SCFD2: variants seen among roughly 807,000 people sequenced by gnomAD.
SCFD2 encodes the protein sec1 family domain containing 2, also known as sec1 family domain-containing protein 2.
In SCFD2, 54 loss-of-function variants were observed where a neutral mutation model predicts 58.9. The ratio of observed to expected loss-of-function variants is 0.92; its 90% CI spans 0.74 to 1.15. SCFD2 has a LOEUF of 1.15. Among genes scored for constraint, SCFD2 ranks in the 50% most tolerant of loss-of-function variants. SCFD2 has a pLI of 0.00. For synonymous variants in SCFD2, 321 were observed against 335.9 expected, an observed-to-expected ratio of 0.96 and a Z score of 0.49; for missense variants, 805 against 836.6, an observed-to-expected ratio of 0.96 and a Z score of 0.47.
intron 3 of SCFD2, among the ~76,000 whole-genome samples, chr4:53,274,579 T>C (rs1161533274): frequency 4.0e-5 from 6 of 151,770 alleles, no homozygotes; most frequent in African/African-American, 1.2e-4. Flanking sequence ...GAAGAAAGGG[T>C]TGGTGTGGGG....
At chr4:53,058,429 G>C (rs1160415620) in intron 5 of SCFD2, among the ~76,000 whole-genome samples, 1 of 151,774 alleles carries the variant, frequency 6.6e-6, no homozygotes. Flanking sequence ...ATAATGTCTC[G>C]GGGAAAGTAG....
intron 4 of SCFD2, among the ~76,000 whole-genome samples, chr4:53,200,400 GC>G (rs541672369): frequency 2.5e-3 from 377 of 152,116 alleles, no homozygotes; most frequent in African/African-American, 8.7e-3. Context: ...AATATAAGTA[GC>G]ACTATGAAAG....
At chr4:53,287,814 G>C (rs1424275603) in intron 3 of SCFD2, among the ~76,000 whole-genome samples, 1 of 152,056 alleles carries the variant, frequency 6.6e-6, no homozygotes, top group Admixed American at 6.6e-5. Context: ...CAAGATAAAA[G>C]AGAATATAAA....
intron 6 of SCFD2, 122 bp from the exon 7 acceptor site, chr4:52,907,713 T>C: frequency 1.8e-6 from 1 of 567,104 alleles, no homozygotes; most frequent in Non-Finnish European, 3.0e-6. Context: ...CCTATATGTG[T>C]GTGTGTGTGT....
At chr4:53,227,545 T>C (rs1229194026) in intron 4 of SCFD2, among the ~76,000 whole-genome samples, 3 of 152,206 alleles carry the variant, frequency 2.0e-5, no homozygotes, top group Non-Finnish European at 4.4e-5. Flanking sequence ...ACAAAGTCTT[T>C]GCATGAATTT....
intron 3 of SCFD2, among the ~76,000 whole-genome samples, chr4:53,284,145 T>C (rs1163682881): frequency 6.7e-6 from 1 of 148,244 alleles, no homozygotes; most frequent in African/African-American, 2.5e-5. Context: ...ATGCATGTAA[T>C]GAAGCATTAC....
intron 4 of SCFD2, among the ~76,000 whole-genome samples, chr4:53,251,254 C>T (rs1409302842): frequency 3.4e-4 from 51 of 152,084 alleles, no homozygotes; most frequent in Admixed American, 3.3e-3. Context: ...GCTTACCAAC[C>T]AAAAAGAGTC....
At chr4:53,152,279 A>G (rs1726533248) in intron 4 of SCFD2, among the ~76,000 whole-genome samples, 2 of 152,176 alleles carry the variant, frequency 1.3e-5, no homozygotes, top group South Asian at 4.1e-4. Flanking sequence ...ATATACATGT[A>G]CTCAGCATCA....
chr4:52,960,368 CTTT>C (rs35967473), intron 5 of SCFD2, among the ~76,000 whole-genome samples: 17 of 135,138 alleles, frequency 1.3e-4, no homozygotes, highest in Non-Finnish European at 1.3e-4. Context: ...TCTTCTTCTT[CTTT>C]TTTTTTTTTT....
In SCFD2 at chr4:53,248,621, C is replaced by T. The variant is rs539495162; in HGVS notation, c.1311+25205G>A. Among the ~76,000 whole-genome samples, 308 of 152,302 alleles carry T rather than the reference C, an allele frequency of 2.0e-3. 1 individual carries two copies. Among genetic ancestry groups the T allele is most frequent in the African/African-American group, 7.1e-3 (295 of 41,572 alleles). On this transcript the variant is annotated intron_variant, in intron 4 of 8. Coordinates refer to ENST00000401642, the MANE Select transcript of SCFD2 (RefSeq NM_152540.4). The stretch of plus-strand genomic sequence containing the variant: ...CTCAAGTGGGTCCCTGACCCCTGAC[C>T]CCCGAGCAGCCTAAGTGGGAGACAC...
intron 5 of SCFD2, among the ~76,000 whole-genome samples, chr4:53,142,989 A>T (rs1187422346): frequency 6.6e-6 from 1 of 152,370 alleles, no homozygotes; most frequent in African/African-American, 2.4e-5. Flanking sequence ...AAACTTAAAA[A>T]TATGCTAAAA....
intron 2 of SCFD2, among the ~76,000 whole-genome samples, chr4:53,325,386 C>A (rs1733158541): frequency 6.6e-6 from 1 of 151,848 alleles, no homozygotes; most frequent in South Asian, 2.1e-4. Flanking sequence ...AATGATTGCA[C>A]CATTCAATCA....
intron 4 of SCFD2, among the ~76,000 whole-genome samples, chr4:53,207,515 T>TAATATATATAA (rs1482958463): frequency 1.6e-4 from 2 of 12,236 alleles, no homozygotes; most frequent in Non-Finnish European, 2.8e-4. Context: ...ATTATATATA[T>TAATATATATAA]TATATATATA....
intron 5 of SCFD2, among the ~76,000 whole-genome samples, chr4:53,072,509 T>C (rs536848841): frequency 6.6e-6 from 1 of 151,836 alleles, no homozygotes; most frequent in South Asian, 2.1e-4. Flanking sequence ...TGTCACCCCG[T>C]GTACAGTGAA....
At chr4:53,259,351 G>A (rs1458962937) in intron 4 of SCFD2, among the ~76,000 whole-genome samples, 1 of 152,204 alleles carries the variant, frequency 6.6e-6, no homozygotes, top group African/African-American at 2.4e-5. Context: ...TATGGTTTCA[G>A]GTCATAGATG....
At chr4:52,959,036 A>G (rs1720779755) in intron 5 of SCFD2, among the ~76,000 whole-genome samples, 1 of 152,188 alleles carries the variant, frequency 6.6e-6, no homozygotes, top group East Asian at 1.9e-4. Flanking sequence ...CTTAGAGAGG[A>G]AAAGTAATTT....
chr4:53,053,173 C>T (rs1449701995), intron 5 of SCFD2, among the ~76,000 whole-genome samples: 3 of 146,866 alleles, frequency 2.0e-5, no homozygotes, highest in African/African-American at 7.6e-5. Context: ...TGCAGTGAGC[C>T]AAGATCATGC....
chr4:53,231,586 T>C (rs1729441874), intron 4 of SCFD2, among the ~76,000 whole-genome samples: 1 of 152,190 alleles, frequency 6.6e-6, no homozygotes. Context: ...CCAATCAATA[T>C]ATGAATTATT....
intron 5 of SCFD2, among the ~76,000 whole-genome samples, chr4:53,123,869 T>A (rs1211974682): frequency 2.0e-5 from 3 of 152,158 alleles, no homozygotes; most frequent in Non-Finnish European, 4.4e-5. Context: ...GTAGGACCTG[T>A]AAGCTGTATT....
Sources: gnomAD v4.1 joint callset for allele counts (sites outside exome capture counted in the v4.1 genomes callset) on GRCh38, gnomAD v4.1.1 for gene constraint, MANE v1.5 for transcripts, NCBI Gene and HGNC (gene_info 2026-07-23, HGNC 2026-07-21) for gene names.